The following SOHLH1 variants were observed in gnomAD, a reference collection of about 807,000 sequenced individuals.
SOHLH1 encodes the protein spermatogenesis and oogenesis specific basic helix-loop-helix 1.
SOHLH1 carries 23 observed loss-of-function variants against 36.2 expected under a neutral mutation model. That is an observed-to-expected ratio of 0.64 (90% CI 0.46 to 0.90). The LOEUF (loss-of-function observed/expected upper bound fraction) is 0.90, where lower values mean the gene tolerates loss of function less well. Ranked by LOEUF, SOHLH1 falls within the 40% of genes least tolerant of loss-of-function variation. SOHLH1 has a pLI of 0.00. For synonymous variants in SOHLH1, 289 were observed against 228.3 expected, an observed-to-expected ratio of 1.27 and a Z score of -2.40; for missense variants, 608 against 517.0, an observed-to-expected ratio of 1.18 and a Z score of -1.71.
At position 135,695,275 on chromosome 9, in the gene SOHLH1, G is replaced by A. The variant is rs1834747495; in HGVS notation, c.662-12C>T. On this transcript the variant is annotated splice_polypyrimidine_tract_variant and intron_variant, in intron 5 of 7. Transcript: ENST00000425225. ...CAGGCTGGAAGGTTCTGGGAGAGAA[G>A]TCAGATGCGGGTCAGCCTTCCCTGC... The A allele has an allele frequency of 3.2e-6, 5 of 1,582,110 alleles. No individual in the cohort carries two copies. In the East Asian group the frequency reaches 9.1e-5, roughly 29 times the overall value.
chr9:135,700,572 A>G (rs1188942955), upstream of SOHLH1, among the ~76,000 whole-genome samples: 1 of 152,154 alleles, frequency 6.6e-6, no homozygotes, highest in African/African-American at 2.4e-5. Context: ...GAGCCCGGGC[A>G]GGTGCCACCA....
intron 4 of SOHLH1, among the ~76,000 whole-genome samples, chr9:135,697,124 G>A (rs916419548): frequency 6.6e-6 from 1 of 152,194 alleles, no homozygotes; most frequent in African/African-American, 2.4e-5. Context: ...CTGGGGAGCT[G>A]CCATTCTGAA....
chr9:135,700,350 C>A (rs751960402), upstream of SOHLH1, among the ~76,000 whole-genome samples: 14 of 152,152 alleles, frequency 9.2e-5, no homozygotes, highest in Non-Finnish European at 1.9e-4. Context: ...CCAGTACATA[C>A]TTTTGGGGGG....
Position 135,698,425 on chromosome 9 carries a change from G to C in SOHLH1, c.249C>G (p.Phe83Leu). ...AGGCCATGTCCTCCCGCCGGCCATC[G>C]AACTGGGGCAGCAGGGCCCGCAGAC... ...CERLRALLPQFDGRREDMASV... is the reference protein window; with the variant it reads ...CERLRALLPQLDGRREDMASV... Residue 83 changes from phenylalanine to leucine, a missense_variant, in exon 3 of 8, where the codon TTC (phenylalanine) becomes TTG (leucine). Transcript: ENST00000425225. 1 of 1,613,228 alleles carries C rather than the reference G, an allele frequency of 6.2e-7. No homozygotes were observed. The highest frequency in any genetic ancestry group is 8.5e-7 in the Non-Finnish European group (1 of 1,180,034).
intron 3 of SOHLH1, among the ~76,000 whole-genome samples, chr9:135,697,942 C>A (rs1295155457): frequency 1.4e-5 from 2 of 144,072 alleles, no homozygotes; most frequent in Non-Finnish European, 3.0e-5. Flanking sequence ...TCAGCCAGAG[C>A]CCCCAGAGCC....
chr9:135,697,521 G>T lies in SOHLH1; in HGVS notation c.452C>A (p.Ala151Glu). 1 of 1,611,446 alleles carries T rather than the reference G, an allele frequency of 6.2e-7. No individual in the cohort carries two copies. Among genetic ancestry groups the T allele is most frequent in the Non-Finnish European group, 8.5e-7 (1 of 1,179,518 alleles). ...AGACACTAACCGAGTCCCGCTGGAC[G>T]CTCCCGTCCCAGGGTCTGGCACACC... ...QAGVPDPGTG[A>E]SSGTRTPDVK... Residue 151 changes from alanine (A) to glutamate (E), a missense_variant, in exon 4 of 8, where the codon GCG becomes GAG. Ala to Glu is a moderately radical substitution (Grantham distance 107). Coordinates refer to ENST00000425225, the MANE Select transcript of SOHLH1 (RefSeq NM_001101677.2).
Position 135,696,594 on chromosome 9 carries a change from T to G in SOHLH1, c.661+18A>C. On this transcript the variant is annotated intron_variant, in intron 5 of 7. Transcript: ENST00000425225. ...CTCCCCAGGCCAAAGGCACCCCACA[T>G]GCACACCCAGGACTCACCTGAGAAA... 1.9e-6 allele frequency: 3 copies of G among 1,611,286 alleles called. No individual in the cohort carries two copies. Among genetic ancestry groups the G allele is most frequent in the Non-Finnish European group, 2.5e-6 (3 of 1,179,502 alleles).
chr9:135,698,529 AG>A (rs1174086848), intron 2 of SOHLH1, 53 bp from the exon 3 acceptor site: 47 of 1,611,848 alleles, frequency 2.9e-5, no homozygotes, highest in Non-Finnish European at 3.6e-5. Flanking sequence ...CTCCCCGAGA[AG>A]GGACAGCAAC....
chr9:135,694,042 G>A, intron 7 of SOHLH1: 12 of 1,426,280 alleles, frequency 8.4e-6, no homozygotes, highest in Non-Finnish European at 1.1e-5. Flanking sequence ...AATCCTAAAT[G>A]GAATGGACAC....
Sources: gnomAD v4.1 joint callset for allele counts (sites outside exome capture counted in the v4.1 genomes callset) on GRCh38, gnomAD v4.1.1 for gene constraint, MANE v1.5 for transcripts, NCBI Gene and HGNC (gene_info 2026-07-23, HGNC 2026-07-21) for gene names.